Variants in ZBTB8A observed in about 807,000 individuals in gnomAD.
ZBTB8A encodes the protein zinc finger and BTB domain containing 8A.
In ZBTB8A, 19 loss-of-function variants were observed where a neutral mutation model predicts 37.8. The observed-to-expected ratio is 0.50, with a 90% CI of 0.35 to 0.74. The LOEUF is 0.74. Among genes scored for constraint, ZBTB8A ranks in the 30% least tolerant of loss-of-function variants. The pLI, the probability that ZBTB8A is intolerant of heterozygous loss-of-function variation, is 0.01. For synonymous variants in ZBTB8A, 181 were observed against 185.2 expected (o/e 0.98, Z 0.19); for missense variants, 394 against 537.8 (o/e 0.73, Z 2.65).
In ZBTB8A at chr1:32,593,667, C is replaced by G. The variant is rs773221716; in HGVS notation, c.736C>G (p.Gln246Glu). 2 of 1,614,182 alleles carry G rather than the reference C, an allele frequency of 1.2e-6. No individual in the cohort carries two copies. Among genetic ancestry groups the G allele is most frequent in the Admixed American group, 3.3e-5 (2 of 60,014 alleles). ...CAGCCATGTTTCCCAGTCTGAAGAA[C>G]AAGCACAGATTGATGCTGAAATGGA... ...SSSHVSQSEE[Q>E]AQIDAEMDST... The change falls in exon 3 of 5, where the codon CAA becomes GAA. Residue 246 changes from glutamine to glutamate, a missense_variant. Gln to Glu is a conservative substitution (Grantham distance 29, BLOSUM62 2). Around this residue, in one of 4 missense-constraint regions of ZBTB8A, gnomAD observed 171 missense variants for 186.8 expected, o/e 0.92. Coordinates refer to ENST00000373510, the MANE Select transcript of ZBTB8A (RefSeq NM_001040441.3).
chr1:32,568,480 G>A (rs968383451), intron 2 of ZBTB8A, among the ~76,000 whole-genome samples: 2 of 151,452 alleles, frequency 1.3e-5, no homozygotes, highest in African/African-American at 4.8e-5. Flanking sequence ...TCCGCCTGCC[G>A]GGTTCACGCC....
At chr1:32,547,900 G>A (rs1225599368) in intron 1 of ZBTB8A, among the ~76,000 whole-genome samples, 3 of 148,840 alleles carry the variant, frequency 2.0e-5, no homozygotes, top group South Asian at 2.1e-4. Context: ...TTGGGAGGCC[G>A]AGGCAGGTGG....
At chr1:32,591,756 T>C (rs1026101712) in intron 2 of ZBTB8A, among the ~76,000 whole-genome samples, 1 of 151,986 alleles carries the variant, frequency 6.6e-6, no homozygotes, top group Non-Finnish European at 1.5e-5. Flanking sequence ...ATTTAAAAAA[T>C]GAAAGAAGAT....
intron 2 of ZBTB8A, among the ~76,000 whole-genome samples, chr1:32,562,676 A>C (rs1644252903): frequency 6.8e-6 from 1 of 147,524 alleles, no homozygotes; most frequent in Admixed American, 6.9e-5. Flanking sequence ...TCGCTGATTC[A>C]AGCGATTCTC....
At chr1:32,546,501 A>G (rs1217463736) in intron 1 of ZBTB8A, among the ~76,000 whole-genome samples, 1 of 152,070 alleles carries the variant, frequency 6.6e-6, no homozygotes, top group East Asian at 1.9e-4. Context: ...AGAAAGAGCC[A>G]GACATGGTGG....
chr1:32,550,579 G>A (rs571908786), intron 1 of ZBTB8A, among the ~76,000 whole-genome samples: 1 of 152,054 alleles, frequency 6.6e-6, no homozygotes, highest in African/African-American at 2.4e-5. Context: ...AGCCAAGATC[G>A]TGCCACTGTA....
chr1:32,581,324 G>A (rs192081021), intron 2 of ZBTB8A, among the ~76,000 whole-genome samples: 13,876 of 114,588 alleles, frequency 0.12, 977 homozygotes, highest in African/African-American at 0.22. Flanking sequence ...TAATATATAA[G>A]TATATATAAT....
intron 2 of ZBTB8A, among the ~76,000 whole-genome samples, chr1:32,556,014 C>T (rs1489557687): frequency 6.7e-6 from 1 of 150,054 alleles, no homozygotes; most frequent in African/African-American, 2.5e-5. Context: ...GCTCAAGTGA[C>T]GCTCCCACCT....
rs1216158921 is a variant in ZBTB8A at position 32,604,274 on chromosome 1, C to T, written c.*3855C>T. On this transcript the variant is annotated 3_prime_UTR_variant, in exon 5 of 5. Coordinates refer to ENST00000373510, the MANE Select transcript of ZBTB8A (RefSeq NM_001040441.3). ...ACCTGCAGTTTAAAATAATTTAACC[C>T]GAGAAACTCTTCAAATGAATTGTTT... 4 of 152,070 alleles carry T rather than the reference C, an allele frequency of 2.6e-5. No homozygotes were observed. The highest frequency in any genetic ancestry group is 6.6e-5 in the Admixed American group (1 of 15,254). The allele number at this position is 152,070 out of a possible 1,614,324, so 9.4% of individuals were successfully genotyped here.
rs190629428 is a variant in ZBTB8A at position 32,601,469 on chromosome 1, C to T, written c.*1050C>T. The T allele has an allele frequency of 1.5e-5, 6 of 389,096 alleles. No individual in the cohort carries two copies. The highest frequency in any genetic ancestry group is 4.5e-5 in the Admixed American group (1 of 22,364). 24.1% of individuals were successfully genotyped at this position (389,096 alleles called of 1,614,324 possible). ...AGCCTGGGCAACAAGAGCGAAACTC[C>T]GTCTCAAAAAAAAAAGGAAAACAAA... On this transcript the variant is annotated 3_prime_UTR_variant, in exon 5 of 5. Transcript: ENST00000373510.
intron 2 of ZBTB8A, among the ~76,000 whole-genome samples, chr1:32,559,509 G>C (rs1478934163): frequency 6.6e-6 from 1 of 152,064 alleles, no homozygotes; most frequent in Non-Finnish European, 1.5e-5. Context: ...TGTCACCCAG[G>C]CTGGAGTGCA....
intron 1 of ZBTB8A, among the ~76,000 whole-genome samples, chr1:32,548,137 TAA>T (rs770998213): frequency 1.8e-3 from 118 of 65,754 alleles, no homozygotes; most frequent in East Asian, 4.8e-3. Flanking sequence ...CGTCTCAAAT[TAA>T]AAAAAAAAAA....
chr1:32,542,157 C>T (rs1205541765), intron 1 of ZBTB8A, among the ~76,000 whole-genome samples: 1 of 152,148 alleles, frequency 6.6e-6, no homozygotes, highest in African/African-American at 2.4e-5. Flanking sequence ...AGCTGAAGTT[C>T]TTTATGACTC....
intron 4 of ZBTB8A, among the ~76,000 whole-genome samples, chr1:32,598,623 C>T (rs1644551114): frequency 6.6e-6 from 1 of 152,094 alleles, no homozygotes; most frequent in Non-Finnish European, 1.5e-5. Context: ...ATTGATTCAA[C>T]ATTATACAAT....
At chr1:32,569,771 T>C (rs538802175) in intron 2 of ZBTB8A, among the ~76,000 whole-genome samples, 253 of 150,814 alleles carry the variant, frequency 1.7e-3, no homozygotes, top group African/African-American at 6.0e-3. Flanking sequence ...TTATAGTTCA[T>C]GCTATTTCTT....
In ZBTB8A at chr1:32,593,534, A is replaced by G; in HGVS notation, c.603A>G (p.Glu201=). ...KNTQQPLAKH[E]PRKESIKKTK... ...CTCAACAACCCTTGGCCAAGCATGA[A>G]CCAAGGAAAGAGTCCATTAAAAAGA... The change falls in exon 3 of 5, where the codon GAA becomes GAG. Residue 201 remains glutamate (E), a synonymous_variant. Transcript: ENST00000373510. The G allele has an allele frequency of 6.2e-7, 1 of 1,614,194 alleles. No individual in the cohort carries two copies. The highest frequency in any genetic ancestry group is 8.5e-7 in the Non-Finnish European group (1 of 1,180,022).
intron 2 of ZBTB8A, among the ~76,000 whole-genome samples, chr1:32,586,232 T>C (rs1557714743): frequency 6.6e-6 from 1 of 151,926 alleles, no homozygotes. Context: ...GGCAGGAGAA[T>C]TGCTTGAACC....
chr1:32,567,813 A>AC lies in ZBTB8A; in HGVS notation c.-2+14273_-2+14274insC, dbSNP rs1557707650. Among the ~76,000 whole-genome samples the AC allele has an allele frequency of 4.2e-4, 19 of 45,718 alleles. 1 individual carries two copies. Among genetic ancestry groups the AC allele is most frequent in the African/African-American group, 5.7e-4 (5 of 8,822 alleles). 30.0% of individuals were successfully genotyped at this position (45,718 alleles called of 152,430 possible). On this transcript the variant is annotated intron_variant, in intron 2 of 4. Transcript: ENST00000373510. ...TCTCAAAAAAAAAAAAAAAAAAAAA[A>AC]AAAAAAAAAACAAAAACAAAACAAA...
intron 2 of ZBTB8A, among the ~76,000 whole-genome samples, chr1:32,586,250 C>G (rs955226222): frequency 2.6e-5 from 4 of 151,718 alleles, no homozygotes; most frequent in African/African-American, 9.7e-5. Flanking sequence ...ACCCGGGAGG[C>G]AGAGGCTGTG....
Sources: allele counts gnomAD v4.1 joint callset (sites outside exome capture counted in the v4.1 genomes callset), GRCh38; gene constraint gnomAD v4.1.1; regional missense constraint gnomAD v4.1.1; transcripts MANE v1.5; gene names NCBI Gene and HGNC (gene_info 2026-07-23, HGNC 2026-07-21).